The following FGF14 variants were observed in gnomAD, a reference collection of about 807,000 sequenced individuals.
FGF14 encodes the protein fibroblast growth factor homologous factor 4.
FGF14 carries 5 observed loss-of-function variants against 25.5 expected under a neutral mutation model. The ratio of observed to expected loss-of-function variants is 0.20; its 90% confidence interval spans 0.10 to 0.41. The LOEUF is 0.41. FGF14 is among the 10% of genes least tolerant of loss of function. The pLI is 1.00. For missense variants in FGF14, 222 were observed against 320.1 expected (o/e 0.69, Z 2.34); for synonymous variants, 138 against 118.3 (o/e 1.17, Z -1.08).
chr13:102,112,988 G>A (rs914635175), intron 1 of FGF14, among the ~76,000 whole-genome samples: 1 of 152,158 alleles, frequency 6.6e-6, no homozygotes, highest in African/African-American at 2.4e-5. Context: ...CTACAGAAAA[G>A]GTCAGATATT....
chr13:101,927,125 C>T (rs1246534810), intron 1 of FGF14, among the ~76,000 whole-genome samples: 1 of 152,160 alleles, frequency 6.6e-6, no homozygotes, highest in African/African-American at 2.4e-5. Context: ...CTGTACCCTC[C>T]TCTGAGGTCC....
intron 1 of FGF14, among the ~76,000 whole-genome samples, chr13:102,036,073 TAG>T (rs1452444735): frequency 1.3e-5 from 2 of 151,916 alleles, no homozygotes; most frequent in Non-Finnish European, 2.9e-5. Flanking sequence ...AGTGGGGAAA[TAG>T]AGAGAGAAAA....
At chr13:102,040,205 G>C (rs558153712) in intron 1 of FGF14, among the ~76,000 whole-genome samples, 1 of 152,022 alleles carries the variant, frequency 6.6e-6, no homozygotes, top group Non-Finnish European at 1.5e-5. Context: ...GCTCCCTAGT[G>C]GGTTGTTTCC....
intron 3 of FGF14, among the ~76,000 whole-genome samples, chr13:101,797,227 G>A (rs1039003861): frequency 3.9e-5 from 6 of 152,044 alleles, no homozygotes; most frequent in African/African-American, 1.4e-4. Flanking sequence ...AATTGTTTAT[G>A]CTTCTGGTTT....
intron 1 of FGF14, among the ~76,000 whole-genome samples, chr13:102,254,401 G>C (rs984603074): frequency 6.6e-6 from 1 of 152,102 alleles, no homozygotes; most frequent in African/African-American, 2.4e-5. Context: ...GAGCTCAGGG[G>C]CTGAACCAAG....
intron 1 of FGF14, among the ~76,000 whole-genome samples, chr13:102,328,408 T>A (rs1388339436): frequency 1.3e-5 from 2 of 152,252 alleles, no homozygotes; most frequent in Non-Finnish European, 2.9e-5. Context: ...GACTATTTTA[T>A]CTTCCATATT....
rs527323082 is a variant in FGF14 at position 101,868,587 on chromosome 13, T to C, written c.408+138A>G. The C allele has an allele frequency of 2.3e-4, 164 of 720,162 alleles. No individual in the cohort carries two copies. The African/African-American group carries it at 2.5e-3, about 11-fold the overall frequency. The allele number at this position is 720,162 out of a possible 1,614,324, so 44.6% of individuals were successfully genotyped here. On this transcript the variant is annotated intron_variant, in intron 3 of 4. Coordinates refer to ENST00000376143, the MANE Select transcript of FGF14 (RefSeq NM_004115.4). ...ACACTGGTGAATAATAAACAGCTTC[T>C]AAGCATTCTCGCAAAGATCAAATAC... is the stretch of plus-strand genomic sequence containing the variant.
In FGF14 at chr13:101,713,029, A is replaced by G. The variant is rs2034547115; in HGVS notation, c.*9802T>C. Reference sequence around the variant, plus strand: ...AGGAAAACAAGTCAAGACTAAATACAATTATGCCATAGCTACGCAAGAAGT... The same window carrying G: ...AGGAAAACAAGTCAAGACTAAATACGATTATGCCATAGCTACGCAAGAAGT... On this transcript the variant is annotated 3_prime_UTR_variant, in exon 5 of 5. Coordinates refer to ENST00000376143, the MANE Select transcript of FGF14 (RefSeq NM_004115.4). 6.6e-6 allele frequency: 1 copy of G among 152,220 alleles called. No individual in the cohort carries two copies. The allele number at this position is 152,220 out of a possible 1,614,324, so 9.4% of individuals were successfully genotyped here.
chr13:101,978,829 G>A (rs2038082123), intron 1 of FGF14, among the ~76,000 whole-genome samples: 1 of 152,180 alleles, frequency 6.6e-6, no homozygotes, highest in Non-Finnish European at 1.5e-5. Flanking sequence ...CTCCCTGGAA[G>A]AGGAGAATTA....
intron 1 of FGF14, among the ~76,000 whole-genome samples, chr13:102,060,171 T>G (rs1245558689): frequency 1.4e-5 from 2 of 147,832 alleles, no homozygotes; most frequent in African/African-American, 5.1e-5. Context: ...AAAAAAAAAA[T>G]CCCAAATCCT....
intron 3 of FGF14, among the ~76,000 whole-genome samples, chr13:101,773,840 T>C (rs1157345758): frequency 1.3e-5 from 2 of 148,238 alleles, no homozygotes; most frequent in African/African-American, 2.5e-5. Context: ...TCATCTGTAA[T>C]TTTTAAAAAT....
chr13:102,161,623 AAGAAGAAGAAGAAGAAGAAGAAG>A lies in FGF14; in HGVS notation c.208+239825_208+239847del. On this transcript the variant is annotated intron_variant, in intron 1 of 4. Coordinates refer to the FGF14 transcript ENST00000376131. Reference sequence around the variant, plus strand: ...GAAGAAGAAGAAGAAGAAGAAGAAGAAGAAGAAGAAGAAGAAGAAGAAGAAGAAGAAGAAGAAGAAGAAGAAGA... The same window carrying A: ...GAAGAAGAAGAAGAAGAAGAAGAAGAAAGAAGAAGAAGAAGAAGAAGAAGA... Among the ~76,000 whole-genome samples, 20 of 19,370 alleles carry A rather than the reference AAGAAGAAGAAGAAGAAGAAGAAG, an allele frequency of 1.0e-3. 1 individual carries two copies. The highest frequency in any genetic ancestry group is 3.9e-3 in the South Asian group (2 of 514). The allele number at this position is 19,370 out of a possible 152,430, so 12.7% of individuals were successfully genotyped here. A position where few individuals can be genotyped will look rare whatever the true frequency, so the allele number is the denominator to read the frequency against.
intron 1 of FGF14, among the ~76,000 whole-genome samples, chr13:102,364,444 A>G (rs2057652410): frequency 6.6e-6 from 1 of 152,204 alleles, no homozygotes; most frequent in Non-Finnish European, 1.5e-5. Flanking sequence ...GGGTTCTTCT[A>G]CAGACTGAGT....
intron 1 of FGF14, among the ~76,000 whole-genome samples, chr13:102,345,065 G>T (rs951408676): frequency 6.6e-6 from 1 of 152,156 alleles, no homozygotes; most frequent in Non-Finnish European, 1.5e-5. Context: ...ACAACCTCTG[G>T]TTTATGGTCT....
At chr13:101,915,294 C>T (rs1431211811) in intron 1 of FGF14, among the ~76,000 whole-genome samples, 1 of 152,182 alleles carries the variant, frequency 6.6e-6, no homozygotes, top group African/African-American at 2.4e-5. Context: ...GACACGCACT[C>T]ACTCTTTGAG....
chr13:102,326,255 C>G (rs1294095681), intron 1 of FGF14, among the ~76,000 whole-genome samples: 1 of 152,080 alleles, frequency 6.6e-6, no homozygotes, highest in Non-Finnish European at 1.5e-5. Context: ...AGCCAAAATA[C>G]TGTATTGAAA....
At chr13:101,997,333 T>G (rs1479102553) in intron 1 of FGF14, among the ~76,000 whole-genome samples, 1 of 152,216 alleles carries the variant, frequency 6.6e-6, no homozygotes, top group African/African-American at 2.4e-5. Context: ...CTTGGAGCTC[T>G]CAGATATCCC....
At chr13:102,046,826 ATTTCTAC>A (rs1267110112) in intron 1 of FGF14, among the ~76,000 whole-genome samples, 2 of 152,170 alleles carry the variant, frequency 1.3e-5, no homozygotes, top group Admixed American at 1.3e-4. Flanking sequence ...TTGAAGCATA[ATTTCTAC>A]ATTGATAATT....
chr13:102,212,268 G>A (rs2050192749), intron 1 of FGF14, among the ~76,000 whole-genome samples: 1 of 152,122 alleles, frequency 6.6e-6, no homozygotes, highest in South Asian at 2.1e-4. Flanking sequence ...ACTAAGGTAG[G>A]TCAACCTGTT....
Sources: gnomAD v4.1 joint callset for allele counts (sites outside exome capture counted in the v4.1 genomes callset) on GRCh38, gnomAD v4.1.1 for gene constraint, MANE v1.5 for transcripts, NCBI Gene and HGNC (gene_info 2026-07-23, HGNC 2026-07-21) for gene names.